Variants in RASGRP3 observed in about 807,000 individuals in gnomAD.
The protein encoded by RASGRP3 is ras guanyl-releasing protein 3.
Under a neutral mutation model 82.7 loss-of-function variants are expected in RASGRP3, and 54 were observed. The observed-to-expected ratio is 0.65, with a 90% CI of 0.52 to 0.82. The LOEUF (loss-of-function observed/expected upper bound fraction) is 0.82. Among genes scored for constraint, RASGRP3 ranks in the 40% least tolerant of loss-of-function variants. RASGRP3 has a pLI of 0.00. For missense variants in RASGRP3, 861 were observed against 828.9 expected (o/e 1.04, Z -0.48); for synonymous variants, 309 against 300.5 (o/e 1.03, Z -0.29).
intron 13 of RASGRP3, among the ~76,000 whole-genome samples, chr2:33,546,942 C>G (rs55834207): frequency 0.15 from 21,874 of 149,900 alleles, 1,959 homozygotes; most frequent in African/African-American, 0.25. Context: ...TGACACATGT[C>G]GGAGGCTGAG....
At chr2:33,466,201 T>C (rs1666685196) in intron 2 of RASGRP3, among the ~76,000 whole-genome samples, 1 of 152,244 alleles carries the variant, frequency 6.6e-6, no homozygotes, top group Non-Finnish European at 1.5e-5. Flanking sequence ...ATTCATCTGA[T>C]GGATGTGACC....
In RASGRP3 at chr2:33,554,850, C is replaced by T. The variant is rs59038982; in HGVS notation, c.1543-681C>T. On this transcript the variant is annotated intron_variant, in intron 14 of 17. Coordinates refer to ENST00000403687, the MANE Select transcript of RASGRP3 (RefSeq NM_001139488.2). ...CCACCACCAGGATGTCCCTGAACCC[C>T]CTGGGCAAACGCTCCCTCGTGGAAC... Among the ~76,000 whole-genome samples, 2,866 of 152,218 alleles carry T rather than the reference C, an allele frequency of 0.019. 237 individuals are homozygous for T. The East Asian group carries it at 0.28, about 15-fold the overall frequency.
At chr2:33,543,763 T>A (rs1674488155) in intron 13 of RASGRP3, 136 bp downstream of exon 13, 1 of 637,242 alleles carries the variant, frequency 1.6e-6, no homozygotes, top group East Asian at 2.7e-5. Context: ...GTTTAATTTG[T>A]CACTGATTAT....
chr2:33,441,873 A>T (rs1362233514), intron 1 of RASGRP3, among the ~76,000 whole-genome samples: 1 of 152,240 alleles, frequency 6.6e-6, no homozygotes, highest in Non-Finnish European at 1.5e-5. Flanking sequence ...GTAAAAGACT[A>T]TTCATAACAG....
At position 33,564,162 on chromosome 2, in the gene RASGRP3, C is replaced by T. The variant is rs537271281; in HGVS notation, c.*1425C>T. On this transcript the variant is annotated 3_prime_UTR_variant, in exon 18 of 18. Transcript: ENST00000403687. Reference sequence around the variant, plus strand: ...GTTGAGTACCTGTTCTGGGCAGGTCCCACGCTATATGCACAAAGTTAAGAA... The same window carrying T: ...GTTGAGTACCTGTTCTGGGCAGGTCTCACGCTATATGCACAAAGTTAAGAA... The T allele has an allele frequency of 6.6e-6, 1 of 152,250 alleles. No individual in the cohort carries two copies. Among genetic ancestry groups the T allele is most frequent in the South Asian group, 2.1e-4 (1 of 4,822 alleles). The allele number at this position is 152,250 out of a possible 1,614,324, so 9.4% of individuals were successfully genotyped here. A position where few individuals can be genotyped will look rare whatever the true frequency, so the allele number is the denominator to read the frequency against.
At chr2:33,461,114 C>G (rs180762929) in intron 2 of RASGRP3, among the ~76,000 whole-genome samples, 16 of 152,316 alleles carry the variant, frequency 1.1e-4, no homozygotes, top group Non-Finnish European at 1.6e-4. Context: ...CAACACCCAT[C>G]CCTCACTTCC....
intron 11 of RASGRP3, among the ~76,000 whole-genome samples, chr2:33,535,924 C>T (rs539942383): frequency 6.6e-6 from 1 of 152,280 alleles, no homozygotes; most frequent in South Asian, 2.1e-4. Context: ...CACCTCTTGA[C>T]ACCAATTAGG....
chr2:33,467,978 CTTTTTCTT>C (rs59632852), intron 2 of RASGRP3, among the ~76,000 whole-genome samples: 2,300 of 140,906 alleles, frequency 0.016, 36 homozygotes, highest in South Asian at 0.027. Context: ...GATGGTGAGG[CTTTTTCTT>C]TCTTTCTTTC....
intron 2 of RASGRP3, among the ~76,000 whole-genome samples, chr2:33,448,500 C>T (rs1665617557): frequency 6.6e-6 from 1 of 152,166 alleles, no homozygotes; most frequent in African/African-American, 2.4e-5. Context: ...GAATGAAGTT[C>T]TCATATATGC....
intron 1 of RASGRP3, among the ~76,000 whole-genome samples, chr2:33,499,101 G>A (rs916741684): frequency 6.6e-6 from 1 of 152,050 alleles, no homozygotes; most frequent in Non-Finnish European, 1.5e-5. Flanking sequence ...ACAAGAATAA[G>A]GTTAGACTCA....
At chr2:33,444,465 A>G (rs899021718) in intron 1 of RASGRP3, among the ~76,000 whole-genome samples, 4 of 152,154 alleles carry the variant, frequency 2.6e-5, no homozygotes, top group African/African-American at 7.2e-5. Flanking sequence ...GCATGTCTCA[A>G]CTCAGACTAG....
chr2:33,535,752 C>T lies in RASGRP3; in HGVS notation c.1161+1352C>T, dbSNP rs78827404. On this transcript the variant is annotated intron_variant, in intron 11 of 17. Transcript: ENST00000403687. ...ACATGCAATGGTAGGAGTGAGGACC[C>T]AGACTCTTTAAAGCTAGCAAGAGTA... Among the ~76,000 whole-genome samples, 240 of 152,290 alleles carry T rather than the reference C, an allele frequency of 1.6e-3. 1 individual carries two copies. The highest frequency in any genetic ancestry group is 5.6e-3 in the African/African-American group (231 of 41,550).
chr2:33,525,500 A>G (rs1027953034), intron 9 of RASGRP3, among the ~76,000 whole-genome samples: 14 of 152,006 alleles, frequency 9.2e-5, no homozygotes, highest in African/African-American at 3.1e-4. Context: ...TGCTACTTCA[A>G]TAAGGACACT....
At chr2:33,464,110 A>ATTATTATTATTATTATT (rs1558406230) in intron 2 of RASGRP3, among the ~76,000 whole-genome samples, 8 of 144,262 alleles carry the variant, frequency 5.5e-5, no homozygotes, top group African/African-American at 2.1e-4. Flanking sequence ...TAATAATAAT[A>ATTATTATTATTATTATT]ATTATTATTA....
chr2:33,525,388 G>A (rs7566240), intron 9 of RASGRP3, among the ~76,000 whole-genome samples: 48,737 of 151,380 alleles, frequency 0.32, 8,840 homozygotes, highest in Middle Eastern at 0.49. Flanking sequence ...CAAACTGAGC[G>A]TTTCTGCCAC....
At chr2:33,438,861 A>C (rs1665067819) in intron 1 of RASGRP3, among the ~76,000 whole-genome samples, 1 of 152,208 alleles carries the variant, frequency 6.6e-6, no homozygotes, top group Non-Finnish European at 1.5e-5. Flanking sequence ...TACAAGTAAA[A>C]TCAGGTTACT....
At chr2:33,524,868 A>C (rs1672371827) in intron 9 of RASGRP3, among the ~76,000 whole-genome samples, 1 of 151,826 alleles carries the variant, frequency 6.6e-6, no homozygotes, top group South Asian at 2.1e-4. Flanking sequence ...TCACAAGGTC[A>C]GGAGATCTAT....
chr2:33,547,073 A>AAAG (rs1674847477), intron 13 of RASGRP3, among the ~76,000 whole-genome samples: 1 of 138,822 alleles, frequency 7.2e-6, no homozygotes, highest in Non-Finnish European at 1.6e-5. Context: ...AAAAAAAAAA[A>AAAG]AGAGAGAGAG....
upstream of RASGRP3, among the ~76,000 whole-genome samples, chr2:33,474,961 C>A (rs888181411): frequency 3.0e-4 from 45 of 152,274 alleles, no homozygotes; most frequent in African/African-American, 1.0e-3. Flanking sequence ...GAATAATTAA[C>A]CCAGTCAATG....
Sources: allele counts gnomAD v4.1 joint callset (sites outside exome capture counted in the v4.1 genomes callset), GRCh38; gene constraint gnomAD v4.1.1; transcripts MANE v1.5; gene names NCBI Gene and HGNC (gene_info 2026-07-23, HGNC 2026-07-21).